The following CLVS1 variants were observed in gnomAD, a reference collection of about 807,000 sequenced individuals.
CLVS1 encodes clavesin-1.
A neutral mutation model predicts 33.1 loss-of-function variants in CLVS1; 10 were observed. The observed-to-expected ratio is 0.30, with a 90% CI of 0.19 to 0.51. CLVS1 has a LOEUF of 0.51. CLVS1 is among the 20% of genes least tolerant of loss of function. The probability of loss-of-function intolerance (pLI) is 0.97; values close to 1 mark genes in which losing one functional copy is unlikely to be tolerated. For synonymous variants in CLVS1, 163 were observed against 166.1 expected, an observed-to-expected ratio of 0.98 and a Z score of 0.14; for missense variants, 343 against 433.4, an observed-to-expected ratio of 0.79 and a Z score of 1.85.
At chr8:61,309,803 T>A (rs1477079602) in intron 2 of CLVS1, among the ~76,000 whole-genome samples, 4 of 152,222 alleles carry the variant, frequency 2.6e-5, no homozygotes, top group Non-Finnish European at 5.9e-5. Flanking sequence ...AGATGAGCAT[T>A]AAGCAGGTTC....
chr8:61,029,071 A>C, the CLVS1 span, among the ~76,000 whole-genome samples: 5 of 152,236 alleles, frequency 3.3e-5, no homozygotes, highest in Non-Finnish European at 7.3e-5. Flanking sequence ...AATGTTTATT[A>C]AGCAAGTAAC....
intron 2 of CLVS1, among the ~76,000 whole-genome samples, chr8:61,220,149 G>C (rs1014989040): frequency 6.6e-6 from 1 of 152,146 alleles, no homozygotes; most frequent in African/African-American, 2.4e-5. Context: ...CTGTGCAGAA[G>C]CTCTTTAGTT....
chr8:61,304,583 C>T (rs111549703), intron 2 of CLVS1, among the ~76,000 whole-genome samples: 18 of 152,308 alleles, frequency 1.2e-4, no homozygotes, highest in East Asian at 1.2e-3. Context: ...CACTGCTGGT[C>T]GATGAGCCCT....
chr8:61,103,146 T>A (rs1020390879), intron 1 of CLVS1, among the ~76,000 whole-genome samples: 4 of 152,214 alleles, frequency 2.6e-5, no homozygotes, highest in African/African-American at 9.6e-5. Context: ...GCAGCAATAC[T>A]TTTCTTTGCT....
the CLVS1 span, among the ~76,000 whole-genome samples, chr8:61,029,994 T>C: frequency 6.6e-6 from 1 of 152,298 alleles, no homozygotes; most frequent in Admixed American, 6.5e-5. Flanking sequence ...ATCTCAGGCA[T>C]CCCTGCAAGA....
chr8:61,330,344 GA>G (rs1222779836), intron 2 of CLVS1, among the ~76,000 whole-genome samples: 1 of 152,148 alleles, frequency 6.6e-6, no homozygotes, highest in South Asian at 2.1e-4. Flanking sequence ...AATTTAGAAA[GA>G]ACTCCAAATA....
At chr8:61,123,209 C>T (rs935096233) in intron 1 of CLVS1, among the ~76,000 whole-genome samples, 5 of 142,668 alleles carry the variant, frequency 3.5e-5, no homozygotes, top group Non-Finnish European at 7.7e-5. Flanking sequence ...GCGGAGGTTG[C>T]GCTGAGCCGA....
At chr8:61,488,332 C>T (rs1037708970) in intron 5 of CLVS1, among the ~76,000 whole-genome samples, 4 of 152,136 alleles carry the variant, frequency 2.6e-5, no homozygotes, top group East Asian at 1.9e-4. Context: ...TTGGGCACAA[C>T]GCAAGCTAGT....
chr8:61,257,686 G>C (rs1443952187), intron 2 of CLVS1, among the ~76,000 whole-genome samples: 1 of 152,040 alleles, frequency 6.6e-6, no homozygotes, highest in Non-Finnish European at 1.5e-5. Context: ...ATAATTAAGA[G>C]GAAGAAACTG....
chr8:61,002,490 G>A, the CLVS1 span, among the ~76,000 whole-genome samples: 7 of 151,936 alleles, frequency 4.6e-5, no homozygotes, highest in South Asian at 2.1e-4. Flanking sequence ...CACCATGCCC[G>A]GCTAAATTTT....
At chr8:61,091,252 G>T (rs760901569) in intron 1 of CLVS1, among the ~76,000 whole-genome samples, 4 of 152,170 alleles carry the variant, frequency 2.6e-5, no homozygotes, top group African/African-American at 9.7e-5. Context: ...TCTAGAAGGC[G>T]AAAGAGACAA....
At chr8:61,361,088 C>G (rs1222931884) in intron 2 of CLVS1, among the ~76,000 whole-genome samples, 2 of 152,106 alleles carry the variant, frequency 1.3e-5, no homozygotes, top group Non-Finnish European at 2.9e-5. Flanking sequence ...CACTTTTAAA[C>G]AAGCAGATCT....
chr8:61,041,986 A>C, the CLVS1 span, among the ~76,000 whole-genome samples: 1 of 152,140 alleles, frequency 6.6e-6, no homozygotes, highest in African/African-American at 2.4e-5. Context: ...ATTATACGAG[A>C]AAAAAAATTT....
chr8:61,417,880 G>T (rs1232741312), intron 3 of CLVS1, among the ~76,000 whole-genome samples: 1 of 152,196 alleles, frequency 6.6e-6, no homozygotes, highest in Non-Finnish European at 1.5e-5. Context: ...CCACCTGGTG[G>T]CTGTCCTCAC....
At chr8:61,262,402 G>A (rs1809224586) in intron 2 of CLVS1, among the ~76,000 whole-genome samples, 1 of 152,000 alleles carries the variant, frequency 6.6e-6, no homozygotes, top group South Asian at 2.1e-4. Context: ...GTCCTTCCAG[G>A]CACAGTGTCT....
intron 3 of CLVS1, among the ~76,000 whole-genome samples, chr8:61,396,940 A>G (rs776261780): frequency 6.6e-6 from 1 of 152,114 alleles, no homozygotes; most frequent in African/African-American, 2.4e-5. Context: ...TTGTCAGTTA[A>G]TGGCTATTTT....
chr8:61,053,569 G>A (rs1804422569), upstream of CLVS1, among the ~76,000 whole-genome samples: 1 of 152,164 alleles, frequency 6.6e-6, no homozygotes, highest in Non-Finnish European at 1.5e-5. Flanking sequence ...GAGGATCCTG[G>A]CCCCTAGCTT....
chr8:61,479,183 C>G (rs1007367219), intron 5 of CLVS1, among the ~76,000 whole-genome samples: 1 of 152,204 alleles, frequency 6.6e-6, no homozygotes, highest in Non-Finnish European at 1.5e-5. Context: ...TGTTTTCCAA[C>G]TTGGTTCCAT....
intron 2 of CLVS1, among the ~76,000 whole-genome samples, chr8:61,218,106 A>G (rs573290354): frequency 6.6e-6 from 1 of 152,292 alleles, no homozygotes; most frequent in East Asian, 1.9e-4. Context: ...TTCTGAAAAA[A>G]CTACCAATAG....
Sources: allele counts gnomAD v4.1 joint callset (sites outside exome capture counted in the v4.1 genomes callset), GRCh38; gene constraint gnomAD v4.1.1; transcripts MANE v1.5; gene names NCBI Gene and HGNC (gene_info 2026-07-23, HGNC 2026-07-21).